The following TMEM200C variants were observed in gnomAD, a reference collection of about 807,000 sequenced individuals.
The protein encoded by TMEM200C is transmembrane protein TTMA.
For synonymous variants in TMEM200C, 462 were observed against 324.7 expected (o/e 1.42, Z -4.55); for missense variants, 966 against 699.9 (o/e 1.38, Z -4.29).
exon 3 of TMEM200C, chr18:5,890,389 G>T: frequency 6.3e-7 from 1 of 1,582,734 alleles, no homozygotes; most frequent in East Asian, 2.3e-5. Flanking sequence ...GCAGAGTCTC[G>T]CGTTTGACCA....
At chr18:5,884,096 A>G (rs2095163697) in exon 3 of TMEM200C, 1 of 152,120 alleles carries the variant, frequency 6.6e-6, no homozygotes, top group Non-Finnish European at 1.5e-5. Context: ...AAACCATCGT[A>G]ATTTTAATTT....
chr18:5,891,697 C>A lies in TMEM200C; in HGVS notation c.367G>T (p.Val123Phe), dbSNP rs2095171355. The A allele has an allele frequency of 1.2e-6, 2 of 1,613,660 alleles. No homozygotes were observed. Among genetic ancestry groups the A allele is most frequent in the African/African-American group, 1.3e-5 (1 of 75,032 alleles). Reference sequence around the variant, plus strand: ...GGCGCGCCCGCGGAACTGGAGTTGACACCCCCTGGAGCCCTAGGGTGGCTC... The same window carrying A: ...GGCGCGCCCGCGGAACTGGAGTTGAAACCCCCTGGAGCCCTAGGGTGGCTC... The change falls in exon 3 of 3, where the codon GTC (valine) becomes TTC (phenylalanine). Residue 123 changes from valine (V) to phenylalanine (F), a missense_variant. Coordinates refer to ENST00000581347, the Ensembl canonical transcript of TMEM200C. The surrounding 1 kb of genome is among the most constrained non-coding windows in gnomAD (Gnocchi z 4.7).
rs756360747 is a variant in TMEM200C at position 5,891,439 on chromosome 18, C to T, written c.625G>A (p.Asp209Asn). The T allele has an allele frequency of 1.3e-6, 2 of 1,552,264 alleles. No individual in the cohort carries two copies. Among genetic ancestry groups the T allele is most frequent in the Non-Finnish European group, 1.7e-6 (2 of 1,148,580 alleles). The change falls in exon 3 of 3, where the codon GAC becomes AAC. Residue 209 changes from aspartate to asparagine, a missense_variant. Transcript: ENST00000581347. The surrounding 1 kb of genome is among the most constrained non-coding windows in gnomAD (Gnocchi z 4.7). The stretch of plus-strand genomic sequence containing the variant: ...TCTTTGGCGCGGAGGCTGTGCACGT[C>T]GATGACGGTGGAGTAGAGGTCCCGC...
At chr18:5,893,490 T>A (rs137867394) in intron 2 of TMEM200C, among the ~76,000 whole-genome samples, 1 of 152,208 alleles carries the variant, frequency 6.6e-6, no homozygotes, top group Non-Finnish European at 1.5e-5. Context: ...GAGTAGAACA[T>A]TTTCTGTCCC....
At chr18:5,890,346 C>A in exon 3 of TMEM200C, 1 of 1,601,664 alleles carries the variant, frequency 6.2e-7, no homozygotes, top group South Asian at 1.1e-5. Flanking sequence ...CTCCGGCGAG[C>A]TCTGCTCCGC....
chr18:5,890,391 G>C, exon 3 of TMEM200C: 5 of 1,582,332 alleles, frequency 3.2e-6, no homozygotes, highest in South Asian at 1.2e-5. Context: ...AGAGTCTCGC[G>C]TTTGACCAGC....
rs748929174 is a variant in TMEM200C, at chr18:5,891,680, C to T, written c.384G>A (p.Ala128=). 2 of 1,613,636 alleles carry T rather than the reference C, an allele frequency of 1.2e-6. No individual in the cohort carries two copies. Among genetic ancestry groups the T allele is most frequent in the South Asian group, 1.1e-5 (1 of 91,064 alleles). ...CTGGAGGCGTGCTCCTGGGCGCGCCCGCGGAACTGGAGTTGACACCCCCTG... is the reference window on the plus strand; with the variant it reads ...CTGGAGGCGTGCTCCTGGGCGCGCCTGCGGAACTGGAGTTGACACCCCCTG... Residue 128 remains alanine, a synonymous_variant, in exon 3 of 3, where the codon GCG becomes GCA. Transcript: ENST00000581347. This position sits in a 1 kb window ranked among gnomAD's most constrained non-coding sequence, Gnocchi z 4.7.
At chr18:5,885,348 A>G (rs1240346566) in exon 3 of TMEM200C, 1 of 152,142 alleles carries the variant, frequency 6.6e-6, no homozygotes, top group Admixed American at 6.6e-5. Flanking sequence ...AATCTGCATA[A>G]TCTTTTTCGG....
chr18:5,894,789 G>C (rs886363308), intron 2 of TMEM200C, among the ~76,000 whole-genome samples: 48 of 152,236 alleles, frequency 3.2e-4, no homozygotes, highest in African/African-American at 1.2e-3. Context: ...CATGAGTGCA[G>C]CAGCTGGGAG....
chr18:5,890,430 G>A (rs2095169007), exon 3 of TMEM200C: 2 of 1,574,634 alleles, frequency 1.3e-6, no homozygotes, highest in Non-Finnish European at 1.7e-6. Context: ...CTCGGTGGAG[G>A]TGCCGGCCTC....
chr18:5,891,770 G>T lies in TMEM200C; in HGVS notation c.294C>A (p.Val98=). ...TGCTACTGCTGTTGGCCGTGGTTGGGACCCGGTGGCTGCTGCCCGCAGGCG... is the reference window on the plus strand; with the variant it reads ...TGCTACTGCTGTTGGCCGTGGTTGGTACCCGGTGGCTGCTGCCCGCAGGCG... The change falls in exon 3 of 3, where the codon GTC becomes GTA. Residue 98 remains valine (V), a synonymous_variant. Transcript: ENST00000581347. This position sits in a 1 kb window ranked among gnomAD's most constrained non-coding sequence, Gnocchi z 4.7. 1 of 1,609,598 alleles carries T rather than the reference G, an allele frequency of 6.2e-7. No individual in the cohort carries two copies. The highest frequency in any genetic ancestry group is 1.7e-5 in the Admixed American group (1 of 60,026).
chr18:5,885,114 A>C (rs1444262783), exon 3 of TMEM200C: 1 of 152,196 alleles, frequency 6.6e-6, no homozygotes. Flanking sequence ...AATGATCTGT[A>C]AACAAGAGTA....
exon 3 of TMEM200C, chr18:5,884,437 A>G (rs1205230416): frequency 6.6e-6 from 1 of 152,120 alleles, no homozygotes; most frequent in East Asian, 1.9e-4. Context: ...TAGTAAAATT[A>G]TGGTTTATGT....
At chr18:5,884,605 T>G (rs1374194399) in exon 3 of TMEM200C, 1 of 152,136 alleles carries the variant, frequency 6.6e-6, no homozygotes. Flanking sequence ...CTGAAAGCAA[T>G]TTGTGTAGTT....
At chr18:5,883,210 CTG>C (rs1388439491) in exon 3 of TMEM200C, 1 of 152,096 alleles carries the variant, frequency 6.6e-6, no homozygotes, top group Non-Finnish European at 1.5e-5. Context: ...TTTGCCTTGA[CTG>C]TGTTTATGCA....
At chr18:5,890,324 C>G in exon 3 of TMEM200C, 1 of 1,604,670 alleles carries the variant, frequency 6.2e-7, no homozygotes, top group Non-Finnish European at 8.5e-7. Flanking sequence ...TGGGTGGCTC[C>G]TGGCTGGCAC....
chr18:5,891,432 T>C lies in TMEM200C; in HGVS notation c.632A>G (p.His211Arg). ...CGCCAGGTCTTTGGCGCGGAGGCTG[T>C]GCACGTCGATGACGGTGGAGTAGAG... The change falls in exon 3 of 3, where the codon CAC (histidine) becomes CGC (arginine). Residue 211 changes from histidine (H) to arginine (R), a missense_variant. By Grantham distance (29) the His-to-Arg change is conservative. Coordinates refer to ENST00000581347, the Ensembl canonical transcript of TMEM200C. This position sits in a 1 kb window ranked among gnomAD's most constrained non-coding sequence, Gnocchi z 4.7. The C allele has an allele frequency of 1.3e-6, 2 of 1,539,286 alleles. No homozygotes were observed. The highest frequency in any genetic ancestry group is 1.8e-6 in the Non-Finnish European group (2 of 1,140,878).
At chr18:5,890,454 T>A in exon 3 of TMEM200C, 1 of 1,578,646 alleles carries the variant, frequency 6.3e-7, no homozygotes, top group Non-Finnish European at 8.6e-7. Context: ...CAGGGGTGTG[T>A]AGCCCTTATT....
exon 3 of TMEM200C, chr18:5,888,559 A>G (rs368429204): frequency 1.3e-5 from 2 of 152,350 alleles, no homozygotes; most frequent in East Asian, 3.9e-4. Flanking sequence ...AGAGGGATTA[A>G]GTGATTTGTC....
Sources: allele counts gnomAD v4.1 joint callset (sites outside exome capture counted in the v4.1 genomes callset), GRCh38; gene constraint gnomAD v4.1.1; non-coding constraint Gnocchi (gnomAD v3.1); transcripts MANE v1.5; gene names NCBI Gene and HGNC (gene_info 2026-07-23, HGNC 2026-07-21).